The following DLGAP2 variants were observed in gnomAD, a reference collection of about 807,000 sequenced individuals.
DLGAP2 encodes disks large-associated protein 2.
A neutral mutation model predicts 100.3 loss-of-function variants in DLGAP2; 26 were observed. That is an observed-to-expected ratio of 0.26 (90% CI 0.19 to 0.36). The LOEUF (loss-of-function observed/expected upper bound fraction) is 0.36. Among genes scored for constraint, DLGAP2 ranks in the 10% least tolerant of loss-of-function variants. DLGAP2 has a pLI of 1.00. For missense variants in DLGAP2, 1,858 were observed against 1,453.2 expected, an observed-to-expected ratio of 1.28 and a Z score of -4.53; for synonymous variants, 886 against 630.1, an observed-to-expected ratio of 1.41 and a Z score of -6.08.
intron 3 of DLGAP2, among the ~76,000 whole-genome samples, chr8:1,421,761 C>T (rs1797092970): frequency 2.0e-5 from 3 of 151,954 alleles, no homozygotes; most frequent in African/African-American, 7.3e-5. Flanking sequence ...GTCAGCAGTT[C>T]GAGACCAGCC....
At chr8:906,520 A>C (rs1310677397) in intron 1 of DLGAP2, among the ~76,000 whole-genome samples, 1 of 152,194 alleles carries the variant, frequency 6.6e-6, no homozygotes, top group African/African-American at 2.4e-5. Flanking sequence ...GAAGGCGTCA[A>C]ACCCCGGGAG....
intron 2 of DLGAP2, among the ~76,000 whole-genome samples, chr8:1,090,030 G>A (rs4735838): frequency 0.016 from 2,224 of 142,714 alleles, 1 homozygote; most frequent in Non-Finnish European, 0.025. Context: ...TCCTGGCCAG[G>A]CAGGGGTGGA....
At chr8:1,342,784 GAC>G (rs1801447521) in intron 3 of DLGAP2, among the ~76,000 whole-genome samples, 1 of 152,216 alleles carries the variant, frequency 6.6e-6, no homozygotes, top group Non-Finnish European at 1.5e-5. Context: ...GTGCCGGAAA[GAC>G]TCATGTGGTG....
chr8:760,506 G>T (rs1218531373), intron 1 of DLGAP2, among the ~76,000 whole-genome samples: 1 of 152,152 alleles, frequency 6.6e-6, no homozygotes, highest in Non-Finnish European at 1.5e-5. Flanking sequence ...ATATTTGAAA[G>T]TTTGGTTGGG....
chr8:879,092 A>T (rs1244657600), intron 1 of DLGAP2, among the ~76,000 whole-genome samples: 1 of 152,142 alleles, frequency 6.6e-6, no homozygotes, highest in Non-Finnish European at 1.5e-5. Context: ...TATGTTCTTT[A>T]TTTTTATTTT....
intron 1 of DLGAP2, among the ~76,000 whole-genome samples, chr8:774,569 C>G (rs1821459080): frequency 1.3e-5 from 2 of 149,506 alleles, no homozygotes; most frequent in Admixed American, 6.6e-5. Context: ...CTACATATGG[C>G]TAGCCAGTTT....
chr8:1,111,643 G>A (rs1380372040), intron 2 of DLGAP2, among the ~76,000 whole-genome samples: 1 of 152,096 alleles, frequency 6.6e-6, no homozygotes, highest in Non-Finnish European at 1.5e-5. Flanking sequence ...ACTTGTAAGT[G>A]AGAACATGCA....
At chr8:1,313,405 G>A (rs1187865983) in intron 3 of DLGAP2, among the ~76,000 whole-genome samples, 1 of 152,056 alleles carries the variant, frequency 6.6e-6, no homozygotes, top group South Asian at 2.1e-4. Flanking sequence ...GAACCCTCCG[G>A]TTGTCTGCAC....
intron 2 of DLGAP2, among the ~76,000 whole-genome samples, chr8:1,186,676 G>T (rs1487216061): frequency 1.3e-5 from 2 of 152,084 alleles, no homozygotes; most frequent in Non-Finnish European, 2.9e-5. Flanking sequence ...TTGTCATGGA[G>T]GTTGGGACTG....
chr8:1,555,156 G>A (rs538228975), intron 5 of DLGAP2, among the ~76,000 whole-genome samples: 9 of 152,204 alleles, frequency 5.9e-5, no homozygotes, highest in Admixed American at 3.3e-4. Flanking sequence ...TAGCAGGTCC[G>A]GGAGGAGCTT....
At chr8:1,455,817 G>T (rs910826332) in intron 3 of DLGAP2, among the ~76,000 whole-genome samples, 2 of 152,172 alleles carry the variant, frequency 1.3e-5, no homozygotes, top group Non-Finnish European at 2.9e-5. Flanking sequence ...CCTCCCATCA[G>T]CAAGGCTGCA....
At chr8:1,288,433 G>C (rs1397254018) in intron 3 of DLGAP2, among the ~76,000 whole-genome samples, 1 of 144,170 alleles carries the variant, frequency 6.9e-6, no homozygotes, top group African/African-American at 2.6e-5. Flanking sequence ...TTGGTTCAGT[G>C]TGTGTGTGTG....
intron 3 of DLGAP2, among the ~76,000 whole-genome samples, chr8:1,434,878 G>GTA (rs1482400205): frequency 2.0e-5 from 3 of 152,006 alleles, no homozygotes; most frequent in African/African-American, 7.3e-5. Context: ...CTCCTCCATG[G>GTA]TATCATCATC....
At chr8:802,282 A>T (rs375079633) in intron 1 of DLGAP2, among the ~76,000 whole-genome samples, 3 of 37,940 alleles carry the variant, frequency 7.9e-5, no homozygotes, top group Non-Finnish European at 1.7e-4. Flanking sequence ...CTGGGGAACG[A>T]TCTGCACCCC....
intron 8 of DLGAP2, among the ~76,000 whole-genome samples, chr8:1,659,307 TG>T (rs61239610): frequency 0.39 from 58,839 of 151,576 alleles, 11,792 homozygotes; most frequent in African/African-American, 0.5. Flanking sequence ...CTGAGAAGAA[TG>T]GGATATTCTG....
Position 1,565,836 on chromosome 8 carries a change from A to G in DLGAP2, c.1384A>G (p.Ile462Val), listed in dbSNP as rs953692864. The G allele has an allele frequency of 6.8e-6, 11 of 1,613,368 alleles. No homozygotes were observed. Among genetic ancestry groups the G allele is most frequent in the African/African-American group, 1.3e-5 (1 of 74,900 alleles). ...CCCCAAGACATCACCAAAGTCGGCAATCCTACCAGAGCCGCTGCTGAAGTC... is the reference window on the plus strand; with the variant it reads ...CCCCAAGACATCACCAAAGTCGGCAGTCCTACCAGAGCCGCTGCTGAAGTC... The part of the protein sequence containing the change: ...SSPKTSPKSA[I>V]LPEPLLKSIG... Residue 462 changes from isoleucine (I) to valine (V), a missense_variant, in exon 6 of 15, where the codon ATC (isoleucine) becomes GTC (valine). Transcript: ENST00000637795.
chr8:1,076,956 C>G (rs1302381460), intron 2 of DLGAP2, among the ~76,000 whole-genome samples: 1 of 139,188 alleles, frequency 7.2e-6, no homozygotes, highest in Non-Finnish European at 1.5e-5. Flanking sequence ...CCCCCCAAGA[C>G]CAAGAGGGGG....
chr8:1,666,340 G>A (rs965465502), intron 8 of DLGAP2, among the ~76,000 whole-genome samples: 1 of 152,170 alleles, frequency 6.6e-6, no homozygotes, highest in Non-Finnish European at 1.5e-5. Context: ...CAGTTTTCTA[G>A]GCTTCAGATT....
At chr8:902,850 A>G (rs1406959394) in intron 1 of DLGAP2, among the ~76,000 whole-genome samples, 2 of 31,148 alleles carry the variant, frequency 6.4e-5, no homozygotes, top group African/African-American at 1.4e-4. Context: ...GTGTTCGGGT[A>G]GGGGGGCGGG....
Sources: gnomAD v4.1 joint callset for allele counts (sites outside exome capture counted in the v4.1 genomes callset) on GRCh38, gnomAD v4.1.1 for gene constraint, MANE v1.5 for transcripts, NCBI Gene and HGNC (gene_info 2026-07-23, HGNC 2026-07-21) for gene names.